COL4A5: variants seen among roughly 807,000 people sequenced by gnomAD.
COL4A5 encodes the protein collagen alpha-5(IV) chain.
A neutral mutation model predicts 130.2 loss-of-function variants in COL4A5; 26 were observed. The observed-to-expected ratio is 0.20, with a 90% CI of 0.15 to 0.28. COL4A5 has a LOEUF of 0.28. COL4A5 is among the 10% of genes least tolerant of loss of function. The pLI is 1.00. For missense variants in COL4A5, 1,131 were observed against 1,344.3 expected (o/e 0.84, Z 2.48); for synonymous variants, 496 against 439.6 (o/e 1.13, Z -1.60).
chrX:108,443,454 C>T (rs2064421637), intron 1 of COL4A5, among the ~76,000 whole-genome samples: 1 of 111,933 alleles, frequency 8.9e-6, no homozygotes, highest in African/African-American at 3.2e-5. Context: ...TATTGTGAAA[C>T]AACCGGGTAT....
At chrX:108,568,380 C>G (rs1449912573) in intron 4 of COL4A5, among the ~76,000 whole-genome samples, 2 of 111,493 alleles carry the variant, frequency 1.8e-5, no homozygotes, top group African/African-American at 3.3e-5. Flanking sequence ...TTTGCCTGCT[C>G]CTAATAAGTG....
intron 1 of COL4A5, among the ~76,000 whole-genome samples, chrX:108,487,786 C>T (rs961231403): frequency 8.9e-6 from 1 of 112,145 alleles, no homozygotes; most frequent in African/African-American, 3.2e-5. Flanking sequence ...AAAGGGAAAG[C>T]TCTTATAGCT....
chrX:108,648,525 A>G (rs995056657), intron 36 of COL4A5, among the ~76,000 whole-genome samples: 3 of 111,804 alleles, frequency 2.7e-5, no homozygotes, highest in African/African-American at 9.8e-5. Context: ...CAGCGTATCA[A>G]AAAGATAATC....
At chrX:108,496,478 T>C (rs2065035480) in intron 1 of COL4A5, among the ~76,000 whole-genome samples, 1 of 111,738 alleles carries the variant, frequency 8.9e-6, no homozygotes, top group Non-Finnish European at 1.9e-5. Flanking sequence ...TGTCCCAGAA[T>C]ATGTTCTATC....
At chrX:108,476,876 C>T (rs1387151262) in intron 1 of COL4A5, among the ~76,000 whole-genome samples, 1 of 111,428 alleles carries the variant, frequency 9.0e-6, no homozygotes, top group Non-Finnish European at 1.9e-5. Context: ...TTGTGAATAG[C>T]GCTACAACCA....
chrX:108,567,458 A>G (rs780704592), intron 4 of COL4A5, among the ~76,000 whole-genome samples: 1 of 111,629 alleles, frequency 9.0e-6, no homozygotes, highest in Non-Finnish European at 1.9e-5. Flanking sequence ...TTCCTCTGAG[A>G]GGTAATCATT....
chrX:108,609,963 T>A lies in COL4A5; in HGVS notation c.2395+3071T>A, dbSNP rs751073124. ...GTCAGGTAATGTAACCCACCAACTT[T>A]ATTCTTAAAAAAAAAAAAAACACAT... On this transcript the variant is annotated intron_variant, in intron 29 of 52. Transcript: ENST00000328300. 6.9e-3 allele frequency among the ~76,000 whole-genome samples: 753 copies of A among 108,618 alleles called. 4 individuals carry two copies. Among genetic ancestry groups the A allele is most frequent in the East Asian group, 0.034 (116 of 3,437 alleles). The allele number at this position is 108,618 out of a possible 115,157, so 94.3% of individuals were successfully genotyped here.
At chrX:108,469,947 G>T in intron 1 of COL4A5, among the ~76,000 whole-genome samples, 1 of 111,732 alleles carries the variant, frequency 8.9e-6, no homozygotes, top group Middle Eastern at 4.6e-3. Context: ...CATCCATATT[G>T]CTGCAAAAGA....
intron 2 of COL4A5, among the ~76,000 whole-genome samples, chrX:108,545,388 G>A (rs1313470934): frequency 8.1e-5 from 9 of 111,333 alleles, no homozygotes; most frequent in Non-Finnish European, 1.7e-4. Flanking sequence ...TTCAGGAGCC[G>A]GTCGTTCAGT....
intron 36 of COL4A5, among the ~76,000 whole-genome samples, chrX:108,654,496 C>A (rs894725958): frequency 8.9e-6 from 1 of 112,562 alleles, no homozygotes; most frequent in Admixed American, 9.4e-5. Flanking sequence ...TCCAGGCTGG[C>A]CTGTAGTGGC....
chrX:108,518,830 G>A (rs1234225690), intron 1 of COL4A5, among the ~76,000 whole-genome samples: 4 of 111,087 alleles, frequency 3.6e-5, no homozygotes, highest in Non-Finnish European at 7.6e-5. Context: ...TGATTAACGT[G>A]TTCATCCCTA....
chrX:108,546,263 T>A (rs1264554867), intron 2 of COL4A5, among the ~76,000 whole-genome samples: 1 of 112,068 alleles, frequency 8.9e-6, no homozygotes, highest in Non-Finnish European at 1.9e-5. Context: ...TTCCTTTCCA[T>A]GTTTAGTGCT....
At chrX:108,544,503 C>T (rs1246881946) in intron 2 of COL4A5, among the ~76,000 whole-genome samples, 5 of 111,625 alleles carry the variant, frequency 4.5e-5, no homozygotes, top group African/African-American at 1.6e-4. Flanking sequence ...CTCTTGGATT[C>T]AGTTTGCCAG....
rs1047699266 is a variant in COL4A5, at chrX:108,559,058, T to C, written c.142-6T>C. On this transcript the variant is annotated splice_polypyrimidine_tract_variant and splice_region_variant and intron_variant, in intron 2 of 52. Transcript: ENST00000328300. ...GACCTTACCTTTCATTCTCATTTAA[T>C]TGCAGGGAGAGAGAGGGTTTCCAGG... The C allele has an allele frequency of 1.7e-6, 2 of 1,198,165 alleles. No homozygotes were observed. Among genetic ancestry groups the C allele is most frequent in the African/African-American group, 3.5e-5 (2 of 57,065 alleles).
At chrX:108,447,312 C>A (rs2064463610) in intron 1 of COL4A5, among the ~76,000 whole-genome samples, 1 of 111,480 alleles carries the variant, frequency 9.0e-6, no homozygotes, top group Non-Finnish European at 1.9e-5. Flanking sequence ...TCAATTCCCT[C>A]TTTTTAGAAA....
chrX:108,674,591 G>A (rs1240404993), intron 42 of COL4A5, 154 bp from the exon 43 acceptor site: 2 of 558,449 alleles, frequency 3.6e-6, no homozygotes, highest in East Asian at 6.9e-5. Flanking sequence ...TACTGATTAT[G>A]CTGTAAGTAT....
intron 1 of COL4A5, among the ~76,000 whole-genome samples, chrX:108,441,183 C>T (rs1412044701): frequency 8.9e-6 from 1 of 112,299 alleles, no homozygotes; most frequent in Non-Finnish European, 1.9e-5. Flanking sequence ...AAAATGTTCT[C>T]CAGCCTGAAG....
intron 43 of COL4A5, 42 bp downstream of exon 43, chrX:108,674,795 T>TTA: frequency 9.4e-7 from 1 of 1,067,612 alleles, no homozygotes; most frequent in Non-Finnish European, 1.3e-6. Context: ...TTTTTTTTTT[T>TTA]AATGCTTTGT....
intron 13 of COL4A5, among the ~76,000 whole-genome samples, chrX:108,578,771 C>A (rs2066196034): frequency 9.3e-6 from 1 of 107,629 alleles, no homozygotes; most frequent in Non-Finnish European, 1.9e-5. Context: ...CCTCCGCCTC[C>A]CAGGTTCAAG....
Sources: allele counts gnomAD v4.1 joint callset (sites outside exome capture counted in the v4.1 genomes callset), GRCh38; gene constraint gnomAD v4.1.1; transcripts MANE v1.5; gene names NCBI Gene and HGNC (gene_info 2026-07-23, HGNC 2026-07-21).